Variants in MOXD1 observed in about 807,000 individuals in gnomAD.
The protein encoded by MOXD1 is monooxygenase DBH like 1, also known as DBH-like monooxygenase protein 1.
A neutral mutation model predicts 66.6 loss-of-function variants in MOXD1; 62 were observed. The observed-to-expected ratio is 0.93, with a 90% CI of 0.76 to 1.15. MOXD1 has a LOEUF of 1.15. Among genes scored for constraint, MOXD1 ranks in the 50% most tolerant of loss-of-function variants. The pLI, the probability that MOXD1 is intolerant of heterozygous loss-of-function variation, is 0.00. For synonymous variants in MOXD1, 303 were observed against 281.9 expected (o/e 1.07, Z -0.75); for missense variants, 847 against 754.6 (o/e 1.12, Z -1.44).
chr6:132,357,598 C>G (rs925574299), intron 4 of MOXD1, among the ~76,000 whole-genome samples: 2 of 151,976 alleles, frequency 1.3e-5, no homozygotes, highest in African/African-American at 2.4e-5. Context: ...ATTTTTCCCT[C>G]TTTTAAATGT....
intron 10 of MOXD1, among the ~76,000 whole-genome samples, chr6:132,305,027 C>T (rs915427001): frequency 1.3e-5 from 2 of 152,268 alleles, no homozygotes; most frequent in East Asian, 1.9e-4. Flanking sequence ...CGATCAGCAC[C>T]GCAGCTGCCT....
chr6:132,319,535 T>C (rs889550615), intron 9 of MOXD1, among the ~76,000 whole-genome samples: 21 of 152,072 alleles, frequency 1.4e-4, no homozygotes, highest in African/African-American at 3.1e-4. Context: ...TAATTTCTTA[T>C]ATACTCAAAT....
intron 4 of MOXD1, among the ~76,000 whole-genome samples, chr6:132,339,867 C>CTTTTT (rs373137834): frequency 7.6e-6 from 1 of 132,356 alleles, no homozygotes; most frequent in Non-Finnish European, 1.6e-5. Context: ...AGCTACAGCT[C>CTTTTT]TTTTTTTTTT....
intron 1 of MOXD1, among the ~76,000 whole-genome samples, chr6:132,389,779 A>G (rs1392945836): frequency 6.6e-6 from 1 of 151,516 alleles, no homozygotes; most frequent in Non-Finnish European, 1.5e-5. Flanking sequence ...GGGTCTGCCA[A>G]GTACCAGGAG....
chr6:132,385,935 CT>C (rs1160624793), intron 1 of MOXD1, among the ~76,000 whole-genome samples: 7 of 150,728 alleles, frequency 4.6e-5, no homozygotes, highest in African/African-American at 1.5e-4. Flanking sequence ...AACCCTATCT[CT>C]ACTAAAAGTA....
rs371161254 is a variant in MOXD1, at chr6:132,374,608, G to A, written c.411+23C>T. ...GTAAATATACAATTTGTTCATGCAT[G>A]CATTCACTCATAGATGCCTTACCGT... On this transcript the variant is annotated intron_variant, in intron 2 of 11. Coordinates refer to ENST00000367963, the MANE Select transcript of MOXD1 (RefSeq NM_015529.4). 669 of 1,609,976 alleles carry A rather than the reference G, an allele frequency of 4.2e-4. 7 individuals carry two copies. The highest frequency in any genetic ancestry group is 2.4e-3 in the South Asian group (218 of 90,750).
intron 4 of MOXD1, among the ~76,000 whole-genome samples, chr6:132,359,864 G>A (rs1256053842): frequency 1.3e-5 from 2 of 152,182 alleles, no homozygotes; most frequent in African/African-American, 4.8e-5. Flanking sequence ...CCCCATTTAG[G>A]TATTAAAGGC....
chr6:132,334,657 A>G (rs1229537487), intron 4 of MOXD1, among the ~76,000 whole-genome samples: 1 of 152,140 alleles, frequency 6.6e-6, no homozygotes, highest in Non-Finnish European at 1.5e-5. Flanking sequence ...ACCTTTCCCA[A>G]TTTATGCACA....
At chr6:132,371,828 A>G (rs1232803328) in intron 4 of MOXD1, among the ~76,000 whole-genome samples, 1 of 152,156 alleles carries the variant, frequency 6.6e-6, no homozygotes, top group Non-Finnish European at 1.5e-5. Flanking sequence ...AGGCAGCAAC[A>G]TCTGGCCTTC....
At chr6:132,378,178 T>G (rs1284804613) in intron 1 of MOXD1, among the ~76,000 whole-genome samples, 3 of 152,136 alleles carry the variant, frequency 2.0e-5, no homozygotes, top group Non-Finnish European at 2.9e-5. Flanking sequence ...TGAGGTCCTA[T>G]TTTGGAGGCA....
At chr6:132,314,879 T>C (rs888930589) in intron 10 of MOXD1, among the ~76,000 whole-genome samples, 2 of 152,214 alleles carry the variant, frequency 1.3e-5, no homozygotes, top group African/African-American at 4.8e-5. Context: ...TTGTTTATTA[T>C]ATCTTAAATA....
chr6:132,306,656 TG>T (rs1258592258), intron 10 of MOXD1, among the ~76,000 whole-genome samples: 2 of 152,040 alleles, frequency 1.3e-5, no homozygotes, highest in African/African-American at 4.8e-5. Context: ...AGACTAACAG[TG>T]GACCTCTCAG....
At chr6:132,340,441 CTTTT>C (rs71868555) in intron 4 of MOXD1, among the ~76,000 whole-genome samples, 2 of 106,256 alleles carry the variant, frequency 1.9e-5, no homozygotes, top group Non-Finnish European at 1.9e-5. Flanking sequence ...GCAACACTTT[CTTTT>C]TTTTTTTTTT....
intron 10 of MOXD1, among the ~76,000 whole-genome samples, chr6:132,300,609 A>G (rs1231325448): frequency 2.0e-5 from 3 of 152,214 alleles, no homozygotes; most frequent in African/African-American, 4.8e-5. Context: ...TGACCATTAT[A>G]CACAGATGAA....
intron 10 of MOXD1, among the ~76,000 whole-genome samples, chr6:132,312,382 T>C (rs912370293): frequency 2.0e-5 from 3 of 152,190 alleles, no homozygotes; most frequent in Admixed American, 6.6e-5. Context: ...AATATTCTTC[T>C]AAGCAAAACA....
intron 1 of MOXD1, among the ~76,000 whole-genome samples, chr6:132,383,743 C>G (rs947612119): frequency 2.0e-5 from 3 of 152,124 alleles, no homozygotes; most frequent in Non-Finnish European, 4.4e-5. Context: ...ACTACTTTGC[C>G]TTCATCCTAT....
chr6:132,398,272 T>C (rs1376348721), intron 1 of MOXD1, among the ~76,000 whole-genome samples: 1 of 152,220 alleles, frequency 6.6e-6, no homozygotes, highest in Non-Finnish European at 1.5e-5. Context: ...ATTCTCTACC[T>C]GATCGATAAA....
intron 10 of MOXD1, among the ~76,000 whole-genome samples, chr6:132,313,730 A>T (rs932934376): frequency 6.6e-6 from 1 of 152,158 alleles, no homozygotes; most frequent in Non-Finnish European, 1.5e-5. Flanking sequence ...CCTGCCCAAC[A>T]TGGAGAAACC....
At chr6:132,300,906 T>G (rs1008291592) in intron 10 of MOXD1, among the ~76,000 whole-genome samples, 1 of 152,152 alleles carries the variant, frequency 6.6e-6, no homozygotes, top group Non-Finnish European at 1.5e-5. Flanking sequence ...AACTTTATAC[T>G]AATAAACATC....
Sources: gnomAD v4.1 joint callset for allele counts (sites outside exome capture counted in the v4.1 genomes callset) on GRCh38, gnomAD v4.1.1 for gene constraint, MANE v1.5 for transcripts, NCBI Gene and HGNC (gene_info 2026-07-23, HGNC 2026-07-21) for gene names.